Variants in FRMD6 observed in about 807,000 individuals in gnomAD.
FRMD6 encodes FERM domain-containing protein 6.
FRMD6 carries 37 observed loss-of-function variants against 73.2 expected under a neutral mutation model. The ratio of observed to expected loss-of-function variants is 0.51; its 90% confidence interval spans 0.39 to 0.66. The LOEUF (loss-of-function observed/expected upper bound fraction) is 0.66. Ranked by LOEUF, FRMD6 falls within the 30% of genes least tolerant of loss-of-function variation. FRMD6 has a pLI of 0.00. For synonymous variants in FRMD6, 273 were observed against 282.2 expected (o/e 0.97, Z 0.33); for missense variants, 714 against 780.5 (o/e 0.91, Z 1.02).
At chr14:51,520,116 C>T (rs1327705539) in intron 1 of FRMD6, among the ~76,000 whole-genome samples, 1 of 152,096 alleles carries the variant, frequency 6.6e-6, no homozygotes, top group Non-Finnish European at 1.5e-5. Flanking sequence ...AGAACTTTTA[C>T]AACTAAGCAA....
intron 3 of FRMD6, among the ~76,000 whole-genome samples, 161 bp from the exon 4 acceptor site, chr14:51,700,895 A>G (rs1896266958): frequency 6.6e-6 from 1 of 152,030 alleles, no homozygotes. Flanking sequence ...TCTAGTTCAC[A>G]GAACCTTTTG....
chr14:51,626,948 T>C (rs1414691707), intron 2 of FRMD6, among the ~76,000 whole-genome samples: 1 of 152,236 alleles, frequency 6.6e-6, no homozygotes. Flanking sequence ...CTCCAAATTA[T>C]TCAACTGGCA....
rs542068439 is a variant in FRMD6, at chr14:51,514,478, T to G, written c.-210+25058T>G. On this transcript the variant is annotated intron_variant, in intron 1 of 14. Transcript: ENST00000356218. ...TGTATACCTGTGTAACAAACCTGCA[T>G]GTTCTGCACATGTATCCCAGAACTT... 3.3e-3 allele frequency among the ~76,000 whole-genome samples: 508 copies of G among 152,238 alleles called. 3 individuals are homozygous for G. The highest frequency in any genetic ancestry group is 0.011 in the African/African-American group (472 of 41,540).
intron 6 of FRMD6, among the ~76,000 whole-genome samples, chr14:51,705,682 G>C (rs971310154): frequency 7.4e-4 from 112 of 152,032 alleles, no homozygotes; most frequent in African/African-American, 2.6e-3. Flanking sequence ...GATTTTTTCA[G>C]CTTCTTTACT....
At chr14:51,569,694 G>T (rs1384158510) in intron 1 of FRMD6, among the ~76,000 whole-genome samples, 1 of 151,280 alleles carries the variant, frequency 6.6e-6, no homozygotes, top group Non-Finnish European at 1.5e-5. Flanking sequence ...TGGAGACAGG[G>T]TTTTGCCATG....
the FRMD6 span, among the ~76,000 whole-genome samples, chr14:51,397,732 C>T: frequency 1.8e-3 from 280 of 152,210 alleles, no homozygotes; most frequent in African/African-American, 6.3e-3. Context: ...TAGAAAATTC[C>T]ACACCTCACC....
chr14:51,589,897 C>T (rs183377676), intron 2 of FRMD6, among the ~76,000 whole-genome samples: 19 of 152,142 alleles, frequency 1.2e-4, no homozygotes, highest in African/African-American at 2.4e-4. Flanking sequence ...GGGGAAACCC[C>T]GTCCTACTAA....
chr14:51,436,709 T>C, the FRMD6 span: 4 of 529,114 alleles, frequency 7.6e-6, no homozygotes, highest in South Asian at 5.7e-5. Flanking sequence ...AGATGATATT[T>C]GGCCAAACCT....
chr14:51,539,556 T>C (rs1412936691), intron 1 of FRMD6, among the ~76,000 whole-genome samples: 1 of 152,090 alleles, frequency 6.6e-6, no homozygotes, highest in Non-Finnish European at 1.5e-5. Context: ...GGCAGGTTGG[T>C]AGGGGGAGCA....
chr14:51,636,384 G>A (rs1891561892), intron 2 of FRMD6, among the ~76,000 whole-genome samples: 1 of 152,208 alleles, frequency 6.6e-6, no homozygotes, highest in South Asian at 2.1e-4. Context: ...TTTAGCCTTT[G>A]TGAGGAAAGC....
intron 10 of FRMD6, 41 bp from the exon 11 acceptor site, chr14:51,720,014 C>T (rs754411138): frequency 8.0e-5 from 120 of 1,503,232 alleles, no homozygotes; most frequent in Non-Finnish European, 1.0e-4. Context: ...ACCAGCCGTT[C>T]CTTCTGTCTT....
At chr14:51,452,580 G>A in the FRMD6 span, among the ~76,000 whole-genome samples, 3 of 152,196 alleles carry the variant, frequency 2.0e-5, no homozygotes, top group African/African-American at 4.8e-5. Context: ...AAGAACAGGA[G>A]GACTTTGACT....
At chr14:51,575,563 T>C (rs1017096915) in intron 2 of FRMD6, 1 of 152,258 alleles carries the variant, frequency 6.6e-6, no homozygotes, top group African/African-American at 2.4e-5. Flanking sequence ...TCGTGAGATA[T>C]TGTAGAACTT....
chr14:51,628,354 A>G (rs1891192528), intron 2 of FRMD6, among the ~76,000 whole-genome samples: 1 of 152,214 alleles, frequency 6.6e-6, no homozygotes, highest in Non-Finnish European at 1.5e-5. Flanking sequence ...GTATAATTTA[A>G]TGACTTTTTA....
chr14:51,708,403 G>T, intron 7 of FRMD6, 170 bp downstream of exon 7: 4 of 628,990 alleles, frequency 6.4e-6, no homozygotes, highest in Non-Finnish European at 7.9e-6. Flanking sequence ...AGTCTTGGAG[G>T]CCATGGTGCT....
intron 1 of FRMD6, among the ~76,000 whole-genome samples, chr14:51,519,353 T>C (rs1180010904): frequency 6.6e-6 from 1 of 152,014 alleles, no homozygotes; most frequent in African/African-American, 2.4e-5. Flanking sequence ...TTTCACCGTG[T>C]TAGCTAGGCT....
the FRMD6 span, among the ~76,000 whole-genome samples, chr14:51,433,141 A>G: frequency 3.9e-5 from 6 of 152,254 alleles, no homozygotes; most frequent in Non-Finnish European, 7.3e-5. Flanking sequence ...ACATTACTTT[A>G]CAAAGCTACA....
chr14:51,549,294 TA>T (rs1447490719), intron 1 of FRMD6, among the ~76,000 whole-genome samples: 4 of 152,200 alleles, frequency 2.6e-5, no homozygotes, highest in Non-Finnish European at 5.9e-5. Context: ...TGAATATTTT[TA>T]AAAAATCAAT....
the FRMD6 span, among the ~76,000 whole-genome samples, chr14:51,432,557 G>C: frequency 2.2e-4 from 33 of 152,290 alleles, no homozygotes; most frequent in East Asian, 6.2e-3. Flanking sequence ...CAAATGTGAA[G>C]ATACCCAGGG....
Sources: allele counts gnomAD v4.1 joint callset (sites outside exome capture counted in the v4.1 genomes callset), GRCh38; gene constraint gnomAD v4.1.1; transcripts MANE v1.5; gene names NCBI Gene and HGNC (gene_info 2026-07-23, HGNC 2026-07-21).